The following CDAN1 variants were observed in gnomAD, a reference collection of about 807,000 sequenced individuals.
CDAN1 encodes codanin-1.
A neutral mutation model predicts 139.8 loss-of-function variants in CDAN1; 107 were observed. The ratio of observed to expected loss-of-function variants is 0.77; its 90% CI spans 0.65 to 0.90. CDAN1 has a LOEUF of 0.90. CDAN1 is among the 40% of genes least tolerant of loss of function. The probability of loss-of-function intolerance (pLI) is 0.00; values close to 1 mark genes in which losing one functional copy is unlikely to be tolerated. For synonymous variants in CDAN1, 776 were observed against 660.6 expected, an observed-to-expected ratio of 1.17 and a Z score of -2.68; for missense variants, 1,667 against 1,575.7, an observed-to-expected ratio of 1.06 and a Z score of -0.98.
At position 42,730,650 on chromosome 15, in the gene CDAN1, GAAC is replaced by G; in HGVS notation, c.2119_2121del (p.Val707del). ...ATGTCCCGGTAATATTCCAGCAAGGGAACAACATGGTCAGCAAAGGAGAGAAAC... is the reference window on the plus strand; with the variant it reads ...ATGTCCCGGTAATATTCCAGCAAGGGAACATGGTCAGCAAAGGAGAGAAAC... On this transcript the variant is annotated inframe_deletion, in exon 14 of 28. Coordinates refer to ENST00000356231, the MANE Select transcript of CDAN1 (RefSeq NM_138477.4). The G allele has an allele frequency of 1.9e-6, 3 of 1,614,168 alleles. No individual in the cohort carries two copies. The highest frequency in any genetic ancestry group is 2.5e-6 in the Non-Finnish European group (3 of 1,180,022).
chr15:42,731,712 AAG>A lies in CDAN1; in HGVS notation c.1645_1646del (p.Leu549TyrfsTer23), dbSNP rs1408571265. 1 of 1,614,020 alleles carries A rather than the reference AAG, an allele frequency of 6.2e-7. No homozygotes were observed. The highest frequency in any genetic ancestry group is 1.3e-5 in the African/African-American group (1 of 74,922). ...LGRLWRLQER[L>X]MAPQSSGGPC... The stretch of plus-strand genomic sequence containing the variant: ...GCCCCCCACTGCTCTGAGGAGCCAT[AAG>A]CCGTTCCTGTAGGCGCCACAACCGC... On this transcript the variant is annotated frameshift_variant, in exon 11 of 28. Transcript: ENST00000356231. LOFTEE classifies it high-confidence loss of function.
rs1211388489 is a variant in CDAN1 at position 42,729,309 on chromosome 15, C to G, written c.2461G>C (p.Gly821Arg). The G allele has an allele frequency of 6.2e-6, 10 of 1,613,958 alleles. No individual in the cohort carries two copies. Among genetic ancestry groups the G allele is most frequent in the African/African-American group, 4.0e-5 (3 of 74,886 alleles). ...SWVSGSSGRS[G>R]GFMRKITPTT... is the part of the protein sequence containing the mutation. The stretch of plus-strand genomic sequence containing the variant: ...GGGGTGATTTTCCTCATGAAGCCCC[C>G]ACTCCGTCCACTACTGCCTGACACC... Residue 821 changes from glycine to arginine, a missense_variant, in exon 18 of 28, where the codon GGG becomes CGG. Gly to Arg is a moderately radical substitution (Grantham distance 125). Around this residue, in one of 3 missense-constraint regions of CDAN1, gnomAD observed 936 missense variants for 844.1 expected, o/e 1.11. Transcript: ENST00000356231.
At position 42,729,867 on chromosome 15, in the gene CDAN1, C is replaced by T. The variant is rs1326324616; in HGVS notation, c.2281G>A (p.Asp761Asn). Residue 761 changes from aspartate to asparagine, a missense_variant, in exon 16 of 28, where the codon GAC becomes AAC. By Grantham distance (23) the Asp-to-Asn change is conservative. Around this residue, in one of 3 missense-constraint regions of CDAN1, gnomAD observed 936 missense variants for 844.1 expected, o/e 1.11. Coordinates refer to ENST00000356231, the MANE Select transcript of CDAN1 (RefSeq NM_138477.4). ...WLFQIPTVPE[D>N]LFFLEEGPSY... The stretch of plus-strand genomic sequence containing the variant: ...GGACCCTCTTCCAGAAAGAACAAGT[C>T]CTCAGGGACTGTGGGAATCTGGCAA... 6.2e-7 allele frequency: 1 copy of T among 1,613,612 alleles called. No homozygotes were observed.
chr15:42,732,543 AAAGGGACACTGAAGGC>A, intron 9 of CDAN1, 135 bp from the exon 10 acceptor site: 1 of 774,758 alleles, frequency 1.3e-6, no homozygotes. Context: ...GCCAGCCTGC[AAAGGGACACTGAAGGC>A]AAGGGACACT....
chr15:42,734,467 C>T (rs1423393767), intron 6 of CDAN1, 121 bp from the exon 7 acceptor site: 1 of 1,216,630 alleles, frequency 8.2e-7, no homozygotes, highest in Non-Finnish European at 1.2e-6. Flanking sequence ...CAGATATGTA[C>T]TGCAAGGTCA....
intron 20 of CDAN1, 55 bp downstream of exon 20, chr15:42,728,597 G>T: frequency 1.9e-6 from 3 of 1,607,566 alleles, no homozygotes; most frequent in East Asian, 2.2e-5. Flanking sequence ...AAGGAGGAAA[G>T]AAAGGACAGA....
chr15:42,730,850 C>T lies in CDAN1; in HGVS notation c.2007+75G>A, dbSNP rs933201051. 3.7e-6 allele frequency: 6 copies of T among 1,612,690 alleles called. No individual in the cohort carries two copies. The African/African-American group carries it at 6.7e-5, about 18-fold the overall frequency. On this transcript the variant is annotated intron_variant, in intron 13 of 27. Coordinates refer to ENST00000356231, the MANE Select transcript of CDAN1 (RefSeq NM_138477.4). ...TAACCTGCCTGGTTTCCAGAATAGC[C>T]AAGGAAACCAGTCAGCTTCAGTGCC...
At chr15:42,735,068 G>A in intron 6 of CDAN1, 32 bp downstream of exon 6, 1 of 1,504,586 alleles carries the variant, frequency 6.6e-7, no homozygotes, top group Non-Finnish European at 9.2e-7. Context: ...TGATGAGAAT[G>A]AGGCCCAAAT....
rs922774573 is a variant in CDAN1 at position 42,729,552 on chromosome 15, G to A, written c.2407+16C>T. The A allele has an allele frequency of 5.0e-6, 8 of 1,614,030 alleles. No individual in the cohort carries two copies. Among genetic ancestry groups the A allele is most frequent in the Admixed American group, 1.7e-5 (1 of 60,004 alleles). ...AGGGACAGACCAAGGACCGTCCAGG[G>A]AAGACCGGTGCTCACCGATGTAGGG... On this transcript the variant is annotated intron_variant, in intron 17 of 27. Coordinates refer to ENST00000356231, the MANE Select transcript of CDAN1 (RefSeq NM_138477.4).
intron 18 of CDAN1, 50 bp downstream of exon 18, chr15:42,729,178 GC>G: frequency 9.7e-7 from 1 of 1,027,952 alleles, no homozygotes; most frequent in Admixed American, 1.9e-5. Context: ...CCCTGTCCCC[GC>G]CCCCAACCCC....
chr15:42,725,519 C>G lies in CDAN1; in HGVS notation c.3420G>C (p.Val1140=), dbSNP rs769113046. The change falls in exon 26 of 28, where the codon GTG becomes GTC. Residue 1140 remains valine, a synonymous_variant. Transcript: ENST00000356231. Reference sequence around the variant, plus strand: ...TTGGCCTTGTGTCTGCCAGAAGCCCCACATTTCTTGGGCTCAGCAGCAGCT... The same window carrying G: ...TTGGCCTTGTGTCTGCCAGAAGCCCGACATTTCTTGGGCTCAGCAGCAGCT... ...PLQLLLSPRN[V]GLLADTRPRE... The G allele has an allele frequency of 6.2e-7, 1 of 1,614,178 alleles. No individual in the cohort carries two copies. Among genetic ancestry groups the G allele is most frequent in the South Asian group, 1.1e-5 (1 of 91,080 alleles).
Position 42,729,565 on chromosome 15 carries a change from C to A in CDAN1, c.2407+3G>T. The A allele has an allele frequency of 6.2e-7, 1 of 1,614,130 alleles. No individual in the cohort carries two copies. Among genetic ancestry groups the A allele is most frequent in the Non-Finnish European group, 8.5e-7 (1 of 1,180,024 alleles). On this transcript the variant is annotated splice_donor_region_variant and intron_variant, in intron 17 of 27. Transcript: ENST00000356231. ...GGACCGTCCAGGGAAGACCGGTGCT[C>A]ACCGATGTAGGGGCAGCAGGTGTAG...
rs763741228 is a variant in CDAN1 at position 42,725,561 on chromosome 15, C to T, written c.3378G>A (p.Gln1126=). The T allele has an allele frequency of 1.2e-6, 2 of 1,614,188 alleles. No homozygotes were observed. The highest frequency in any genetic ancestry group is 1.1e-5 in the South Asian group (1 of 91,088). Residue 1126 remains glutamine (Q), a synonymous_variant, in exon 26 of 28, where the codon CAG becomes CAA. Coordinates refer to ENST00000356231, the MANE Select transcript of CDAN1 (RefSeq NM_138477.4). ...MLLSLWKEDF[Q]GPVPLQLLLS... ...GCAGCAGCTGCAGCGGAACCGGCCC[C>T]TGAAAGTCTTCCTTCCACAAGGAAA...
chr15:42,724,525 T>C lies in CDAN1; in HGVS notation c.3650A>G (p.Gln1217Arg). 5.1e-6 allele frequency: 8 copies of C among 1,571,928 alleles called. No homozygotes were observed. Among genetic ancestry groups the C allele is most frequent in the Non-Finnish European group, 6.9e-6 (8 of 1,157,420 alleles). ...GGCCAGCACAGTGCCCCGGTTTGGC[T>C]GCACCAACTCACAGGCTCTTAGCTG... is the stretch of plus-strand genomic sequence containing the variant. ...EPQLRACELV[Q>R]PNRGTVLAQS Residue 1217 changes from glutamine to arginine, a missense_variant, in exon 28 of 28, where the codon CAG becomes CGG. Around this residue, in one of 3 missense-constraint regions of CDAN1, gnomAD observed 936 missense variants for 844.1 expected, o/e 1.11. Transcript: ENST00000356231.
Position 42,729,071 on chromosome 15 carries a change from A to G in CDAN1, c.2597T>C (p.Val866Ala). Residue 866 changes from valine to alanine, a missense_variant, in exon 19 of 28, where the codon GTA (valine) becomes GCA (alanine). By Grantham distance (64) the Val-to-Ala change is moderately conservative (BLOSUM62 0). This residue lies in a region of CDAN1 where 936 missense variants were observed against 844.1 expected (regional missense o/e 1.11). Coordinates refer to ENST00000356231, the MANE Select transcript of CDAN1 (RefSeq NM_138477.4). ...HNQPPSLRRT[V>A]EFVAERIGSN... ...TCCAATTCTTTCTGCCACGAACTCT[A>G]CGGTCCGGCGCAAGGAGGGCGGCTG... 1 of 1,614,178 alleles carries G rather than the reference A, an allele frequency of 6.2e-7. No homozygotes were observed. Among genetic ancestry groups the G allele is most frequent in the East Asian group, 2.2e-5 (1 of 44,870 alleles).
At chr15:42,730,375 GTC>G (rs1157737165) in intron 14 of CDAN1, among the ~76,000 whole-genome samples, 160 bp from the exon 15 acceptor site, 12 of 152,238 alleles carry the variant, frequency 7.9e-5, no homozygotes, top group African/African-American at 1.9e-4. Flanking sequence ...CATGGGGACT[GTC>G]TCTCAGCGGG....
Position 42,728,814 on chromosome 15 carries a change from C to T in CDAN1, c.2646-4G>A. 1 of 1,614,174 alleles carries T rather than the reference C, an allele frequency of 6.2e-7. No homozygotes were observed. The highest frequency in any genetic ancestry group is 2.2e-5 in the East Asian group (1 of 44,870). On this transcript the variant is annotated splice_polypyrimidine_tract_variant and splice_region_variant and intron_variant, in intron 19 of 27. Transcript: ENST00000356231. ...CAGATCTGCCACCAGTGTAGCCCTG[C>T]AGCAGGGACAGCAAGGTTGGGGATG... is the stretch of plus-strand genomic sequence containing the variant.
At position 42,735,877 on chromosome 15, in the gene CDAN1, C is replaced by T; in HGVS notation, c.771G>A (p.Glu257=). 3.7e-6 allele frequency: 6 copies of T among 1,614,162 alleles called. No homozygotes were observed. The highest frequency in any genetic ancestry group is 5.1e-6 in the Non-Finnish European group (6 of 1,180,022). The change falls in exon 3 of 28, where the codon GAG becomes GAA. Residue 257 remains glutamate, a splice_region_variant and synonymous_variant. Transcript: ENST00000356231. The part of the protein sequence containing the change: ...LQEEREMLRK[E]RSKQLQQSPT... ...CCCCAGGAGCGGCCAGGCCATACCG[C>T]TCCTTCCTGAGCATCTCTCGCTCCT...
At position 42,736,694 on chromosome 15, in the gene CDAN1, C is replaced by T. The variant is rs765013318; in HGVS notation, c.177G>A (p.Glu59=). Residue 59 remains glutamate (E), a synonymous_variant, in exon 2 of 28, where the codon GAG becomes GAA. Transcript: ENST00000356231. The part of the protein sequence containing the change: ...FVPFLLNFLR[E]QSSRVLPQGP... Reference sequence around the variant, plus strand: ...CCTGCGGGAGGACGCGGCTGCTCTGCTCCCTCAGGAAGTTCAACAGGAACG... The same window carrying T: ...CCTGCGGGAGGACGCGGCTGCTCTGTTCCCTCAGGAAGTTCAACAGGAACG... 8 of 1,554,082 alleles carry T rather than the reference C, an allele frequency of 5.1e-6. No individual in the cohort carries two copies. The South Asian group carries it at 9.6e-5, about 19-fold the overall frequency.
Sources: allele counts gnomAD v4.1 joint callset (sites outside exome capture counted in the v4.1 genomes callset), GRCh38; gene constraint gnomAD v4.1.1; regional missense constraint gnomAD v4.1.1; transcripts MANE v1.5; gene names NCBI Gene and HGNC (gene_info 2026-07-23, HGNC 2026-07-21).